Variants in ZNF25 observed in about 807,000 individuals in gnomAD.
The protein encoded by ZNF25 is zinc finger protein 25 (KOX 19).
A neutral mutation model predicts 30.9 loss-of-function variants in ZNF25; 21 were observed. That is an observed-to-expected ratio of 0.68 (90% confidence interval 0.48 to 0.98). ZNF25 has a LOEUF of 0.98. Among genes scored for constraint, ZNF25 ranks in the 50% least tolerant of loss-of-function variants. The pLI is 0.00. For missense variants in ZNF25, 501 were observed against 529.9 expected, an observed-to-expected ratio of 0.95 and a Z score of 0.54; for synonymous variants, 169 against 181.3, an observed-to-expected ratio of 0.93 and a Z score of 0.55.
chr10:37,973,254 C>CA (rs1489302031), intron 1 of ZNF25, among the ~76,000 whole-genome samples: 3 of 150,870 alleles, frequency 2.0e-5, no homozygotes, highest in African/African-American at 7.3e-5. Context: ...CCATTTACAA[C>CA]AGCTACCAAA....
At chr10:37,958,561 C>T (rs578092670) in intron 2 of ZNF25, among the ~76,000 whole-genome samples, 8 of 152,306 alleles carry the variant, frequency 5.3e-5, no homozygotes, top group African/African-American at 1.9e-4. Context: ...ATTTTACATA[C>T]ACACTTAACA....
intron 2 of ZNF25, among the ~76,000 whole-genome samples, chr10:37,971,239 C>T (rs934154192): frequency 1.3e-5 from 2 of 151,286 alleles, no homozygotes; most frequent in Non-Finnish European, 2.9e-5. Flanking sequence ...TCACTTGAAC[C>T]TGGGAGACAG....
chr10:37,958,959 G>C (rs997192592), intron 2 of ZNF25, among the ~76,000 whole-genome samples: 1 of 152,202 alleles, frequency 6.6e-6, no homozygotes, highest in Non-Finnish European at 1.5e-5. Context: ...TGAGCCAAGA[G>C]AATGGCTTGA....
chr10:37,974,312 G>A (rs2063672447), intron 1 of ZNF25, among the ~76,000 whole-genome samples: 1 of 152,092 alleles, frequency 6.6e-6, no homozygotes, highest in Non-Finnish European at 1.5e-5. Flanking sequence ...GCACAGCAAA[G>A]TAAGCAATAA....
intron 4 of ZNF25, among the ~76,000 whole-genome samples, chr10:37,956,219 T>C (rs2062511326): frequency 6.6e-6 from 1 of 152,124 alleles, no homozygotes; most frequent in African/African-American, 2.4e-5. Context: ...AACTCCAAAA[T>C]GAAAGAATTG....
At chr10:37,974,029 T>C (rs2180408) in intron 1 of ZNF25, among the ~76,000 whole-genome samples, 80,014 of 151,970 alleles carry the variant, frequency 0.53, 21,389 homozygotes, top group South Asian at 0.71. Flanking sequence ...ATTGGAGAAA[T>C]GACAGTTTCT....
intron 2 of ZNF25, among the ~76,000 whole-genome samples, chr10:37,964,132 G>C (rs546375193): frequency 2.0e-5 from 3 of 152,216 alleles, no homozygotes; most frequent in African/African-American, 4.8e-5. Flanking sequence ...AGATGCCAGT[G>C]CCATGCTTCC....
chr10:37,956,005 A>G (rs940082910), intron 4 of ZNF25, among the ~76,000 whole-genome samples: 5 of 152,334 alleles, frequency 3.3e-5, no homozygotes, highest in Non-Finnish European at 5.9e-5. Context: ...ATTAATATTC[A>G]TTCTTTCAAC....
At chr10:37,970,446 C>A (rs2063424040) in intron 2 of ZNF25, among the ~76,000 whole-genome samples, 1 of 152,050 alleles carries the variant, frequency 6.6e-6, no homozygotes, top group South Asian at 2.1e-4. Context: ...AAACTCTGAA[C>A]AAACTAGGAA....
rs180745629 is a variant in ZNF25, at chr10:37,955,987, T to C, written c.238+1033A>G. Among the ~76,000 whole-genome samples, 599 of 152,286 alleles carry C rather than the reference T, an allele frequency of 3.9e-3. 7 individuals are homozygous for C. Among genetic ancestry groups the C allele is most frequent in the African/African-American group, 0.014 (570 of 41,558 alleles). ...CATGAGCCGCCACTCCCAGCCAGTC[T>C]CTTGTTAATTAATATTCATTCTTTC... is the stretch of plus-strand genomic sequence containing the variant. On this transcript the variant is annotated intron_variant, in intron 4 of 5. Coordinates refer to ENST00000302609, the MANE Select transcript of ZNF25 (RefSeq NM_145011.4).
chr10:37,960,458 CAA>C (rs762155535), intron 2 of ZNF25, among the ~76,000 whole-genome samples: 10 of 113,694 alleles, frequency 8.8e-5, no homozygotes, highest in Admixed American at 2.7e-4. Context: ...ACTAAAAATA[CAA>C]AAAAAAAAAA....
chr10:37,973,646 G>T (rs2063626402), intron 1 of ZNF25, among the ~76,000 whole-genome samples: 1 of 150,684 alleles, frequency 6.6e-6, no homozygotes. Flanking sequence ...TATTAAAATG[G>T]AAAGATATCC....
intron 2 of ZNF25, among the ~76,000 whole-genome samples, chr10:37,959,999 C>A (rs1010368179): frequency 2.0e-5 from 3 of 152,016 alleles, no homozygotes; most frequent in African/African-American, 7.3e-5. Flanking sequence ...ACTGCAAGCT[C>A]TGCCTCCCGG....
chr10:37,952,221 TA>T lies in ZNF25; in HGVS notation c.1276del (p.Tyr426MetfsTer62). On this transcript the variant is annotated frameshift_variant, in exon 6 of 6. Coordinates refer to ENST00000302609, the MANE Select transcript of ZNF25 (RefSeq NM_145011.4). LOFTEE classifies it low-confidence loss of function (END_TRUNC). ...GGTTTCCCCACACTCCTGACACTCA[TA>T]GGGCTTCTCCCCTGTGTGTTTTCTC... is the stretch of plus-strand genomic sequence containing the variant. ...HQRKHTGEKP[Y>X]ECQECGETFI... is the part of the protein sequence containing the mutation. The T allele has an allele frequency of 6.2e-7, 1 of 1,614,090 alleles. No homozygotes were observed. The highest frequency in any genetic ancestry group is 8.5e-7 in the Non-Finnish European group (1 of 1,179,950).
chr10:37,975,829 G>A (rs972983114), intron 1 of ZNF25, among the ~76,000 whole-genome samples: 1 of 152,118 alleles, frequency 6.6e-6, no homozygotes. Context: ...GTGCTCAAGG[G>A]GCAAATGCTG....
chr10:37,954,302 C>G (rs2062374504), intron 4 of ZNF25, among the ~76,000 whole-genome samples: 1 of 152,228 alleles, frequency 6.6e-6, no homozygotes, highest in African/African-American at 2.4e-5. Flanking sequence ...CATCCATCCA[C>G]AGCAATCTAG....
chr10:37,951,124 C>G lies in ZNF25; in HGVS notation c.*1003G>C, dbSNP rs767462493. On this transcript the variant is annotated 3_prime_UTR_variant, in exon 6 of 6. Coordinates refer to ENST00000302609, the MANE Select transcript of ZNF25 (RefSeq NM_145011.4). Reference sequence around the variant, plus strand: ...TTATTTTTGAAGGATTAGTTATTACCACTGTCTATATCCATTTACAAACAC... The same window carrying G: ...TTATTTTTGAAGGATTAGTTATTACGACTGTCTATATCCATTTACAAACAC... 3 of 151,932 alleles carry G rather than the reference C, an allele frequency of 2.0e-5. No homozygotes were observed. The highest frequency in any genetic ancestry group is 2.4e-5 in the African/African-American group (1 of 41,354). The allele number at this position is 151,932 out of a possible 1,614,324, so 9.4% of individuals were successfully genotyped here.
At chr10:37,954,948 G>A (rs999766231) in intron 4 of ZNF25, among the ~76,000 whole-genome samples, 1 of 152,110 alleles carries the variant, frequency 6.6e-6, no homozygotes, top group African/African-American at 2.4e-5. Context: ...GAGGTCAGGA[G>A]TTCGAGACCA....
At chr10:37,957,189 A>C in intron 3 of ZNF25, 74 bp from the exon 4 acceptor site, 1 of 1,454,264 alleles carries the variant, frequency 6.9e-7, no homozygotes, top group Non-Finnish European at 9.6e-7. Flanking sequence ...GAGGAAGTGG[A>C]GTTTCAGGAT....
Sources: gnomAD v4.1 joint callset for allele counts (sites outside exome capture counted in the v4.1 genomes callset) on GRCh38, gnomAD v4.1.1 for gene constraint, MANE v1.5 for transcripts, NCBI Gene and HGNC (gene_info 2026-07-23, HGNC 2026-07-21) for gene names.